The following ESRRG variants were observed in gnomAD, a reference collection of about 807,000 sequenced individuals.
The protein encoded by ESRRG is estrogen related receptor gamma, also known as estrogen-related receptor gamma.
In ESRRG, 13 loss-of-function variants were observed where a neutral mutation model predicts 44.0. The ratio of observed to expected loss-of-function variants is 0.30; its 90% CI spans 0.19 to 0.47. The LOEUF (loss-of-function observed/expected upper bound fraction) is 0.47, where lower values mean the gene tolerates loss of function less well. ESRRG is among the 20% of genes least tolerant of loss of function. The pLI is 1.00. For missense variants in ESRRG, 395 were observed against 580.6 expected, an observed-to-expected ratio of 0.68 and a Z score of 3.29; for synonymous variants, 215 against 214.6, an observed-to-expected ratio of 1.00 and a Z score of -0.02.
chr1:216,936,508 A>C (rs185430228), intron 2 of ESRRG, among the ~76,000 whole-genome samples: 6 of 150,798 alleles, frequency 4.0e-5, no homozygotes, highest in South Asian at 4.2e-4. Context: ...CACACACACA[A>C]ACACACACAC....
intron 1 of ESRRG, among the ~76,000 whole-genome samples, chr1:216,688,573 T>G (rs756917403): frequency 9.9e-5 from 15 of 152,284 alleles, no homozygotes; most frequent in Admixed American, 1.3e-4. Flanking sequence ...AATTGAATAT[T>G]ACAGAGTTAA....
At chr1:217,125,295 C>T (rs935254379) in intron 1 of ESRRG, among the ~76,000 whole-genome samples, 8 of 152,104 alleles carry the variant, frequency 5.3e-5, no homozygotes, top group Non-Finnish European at 8.8e-5. Context: ...GTTGTCTGTA[C>T]GAAGGATGCT....
chr1:217,006,569 C>T (rs1579384360), intron 1 of ESRRG, among the ~76,000 whole-genome samples: 2 of 152,020 alleles, frequency 1.3e-5, no homozygotes, highest in East Asian at 1.9e-4. Context: ...GAAGTGTTTT[C>T]GATTTTGGAT....
At chr1:216,650,273 T>A (rs1272504444) in intron 3 of ESRRG, among the ~76,000 whole-genome samples, 1 of 152,178 alleles carries the variant, frequency 6.6e-6, no homozygotes, top group Non-Finnish European at 1.5e-5. Context: ...AAACTTTTTA[T>A]CCATCTCCAA....
rs2082688251 is a variant in ESRRG at position 216,707,492 on chromosome 1, A to G, written c.56+15752T>C. On this transcript the variant is annotated intron_variant, in intron 1 of 6. Coordinates refer to ENST00000408911, the MANE Select transcript of ESRRG (RefSeq NM_001438.4). ...ATGGGAACTTTACATCAGTTCTAAA[A>G]AGCCAAAACCAGAAAGTTAGGGTGA... The G allele has an allele frequency of 9.8e-6, 15 of 1,529,080 alleles. No homozygotes were observed. The South Asian group carries it at 1.7e-4, about 17-fold the overall frequency. 94.7% of individuals were successfully genotyped at this position (1,529,080 alleles called of 1,614,324 possible). A position where few individuals can be genotyped will look rare whatever the true frequency, so the allele number is the denominator to read the frequency against.
At chr1:216,984,732 T>A (rs1399263977) in intron 1 of ESRRG, among the ~76,000 whole-genome samples, 1 of 152,152 alleles carries the variant, frequency 6.6e-6, no homozygotes, top group Non-Finnish European at 1.5e-5. Flanking sequence ...ATTTGCATAA[T>A]CCTTGGTTAT....
At chr1:216,801,888 G>A (rs1164835378) in intron 2 of ESRRG, among the ~76,000 whole-genome samples, 1 of 151,992 alleles carries the variant, frequency 6.6e-6, no homozygotes, top group South Asian at 2.1e-4. Context: ...TTTCCATCTG[G>A]TTCCTATTGC....
At chr1:216,650,194 A>G (rs1328589073) in intron 3 of ESRRG, among the ~76,000 whole-genome samples, 2 of 152,226 alleles carry the variant, frequency 1.3e-5, no homozygotes, top group Admixed American at 6.5e-5. Flanking sequence ...TCACATTTAC[A>G]AACACACACA....
At chr1:217,087,883 A>ATCTCC (rs2092180315) in intron 1 of ESRRG, among the ~76,000 whole-genome samples, 1 of 152,168 alleles carries the variant, frequency 6.6e-6, no homozygotes, top group Non-Finnish European at 1.5e-5. Context: ...ATGAAACCTC[A>ATCTCC]TCAATGTCAC....
intron 1 of ESRRG, among the ~76,000 whole-genome samples, chr1:216,702,398 A>T (rs78311657): frequency 0.018 from 2,751 of 152,102 alleles, 94 homozygotes; most frequent in African/African-American, 0.06. Flanking sequence ...ATGAAAATAA[A>T]CCCACTCTAG....
At chr1:216,683,568 G>A (rs776336376) in intron 1 of ESRRG, among the ~76,000 whole-genome samples, 3 of 152,138 alleles carry the variant, frequency 2.0e-5, no homozygotes, top group Non-Finnish European at 2.9e-5. Flanking sequence ...ATGTAATGTG[G>A]GGACATAGAG....
At chr1:216,927,357 G>T (rs187770905) in intron 2 of ESRRG, among the ~76,000 whole-genome samples, 2 of 152,096 alleles carry the variant, frequency 1.3e-5, no homozygotes, top group Admixed American at 6.5e-5. Flanking sequence ...GCCTGAAGAC[G>T]GCCCCTCACC....
intron 1 of ESRRG, among the ~76,000 whole-genome samples, chr1:217,020,923 G>C (rs1418318738): frequency 6.6e-6 from 1 of 152,034 alleles, no homozygotes; most frequent in Admixed American, 6.6e-5. Flanking sequence ...GAGAAGAAAT[G>C]CCACTCATTA....
intron 2 of ESRRG, among the ~76,000 whole-genome samples, chr1:216,767,719 G>T (rs2093153838): frequency 6.6e-6 from 1 of 152,066 alleles, no homozygotes; most frequent in East Asian, 1.9e-4. Flanking sequence ...TTCTTCAAAT[G>T]AATTTTCTCA....
At chr1:216,590,803 G>A (rs867033676) in intron 3 of ESRRG, among the ~76,000 whole-genome samples, 45 of 152,092 alleles carry the variant, frequency 3.0e-4, no homozygotes, top group African/African-American at 1.0e-3. Context: ...ATCTCAATTA[G>A]ACTCCAATTC....
At chr1:216,507,795 A>G (rs1262383001) in intron 6 of ESRRG, among the ~76,000 whole-genome samples, 2 of 152,198 alleles carry the variant, frequency 1.3e-5, no homozygotes, top group Non-Finnish European at 1.5e-5. Flanking sequence ...CTGATGAAAA[A>G]CAAATGGTGT....
At chr1:216,733,964 CAG>C (rs2089374874) in intron 2 of ESRRG, among the ~76,000 whole-genome samples, 1 of 133,596 alleles carries the variant, frequency 7.5e-6, no homozygotes, top group Non-Finnish European at 1.6e-5. Context: ...GCCCGGTCAA[CAG>C]AGCAACAGAG....
intron 2 of ESRRG, among the ~76,000 whole-genome samples, chr1:216,842,991 C>T (rs908480875): frequency 6.6e-6 from 1 of 152,086 alleles, no homozygotes; most frequent in Non-Finnish European, 1.5e-5. Flanking sequence ...TGAACAAATG[C>T]TGGTCTGGAT....
At chr1:216,730,311 A>G (rs1199194619) in intron 2 of ESRRG, among the ~76,000 whole-genome samples, 1 of 151,348 alleles carries the variant, frequency 6.6e-6, no homozygotes, top group Non-Finnish European at 1.5e-5. Flanking sequence ...AAGGTAAAAA[A>G]AAAAAAAAAA....
Sources: gnomAD v4.1 joint callset for allele counts (sites outside exome capture counted in the v4.1 genomes callset) on GRCh38, gnomAD v4.1.1 for gene constraint, MANE v1.5 for transcripts, NCBI Gene and HGNC (gene_info 2026-07-23, HGNC 2026-07-21) for gene names.